GULP1: variants seen among roughly 807,000 people sequenced by gnomAD.
The protein encoded by GULP1 is GULP PTB domain containing engulfment adaptor 1, also known as PTB domain-containing engulfment adapter protein 1.
In GULP1, 19 loss-of-function variants were observed where a neutral mutation model predicts 40.9. That is an observed-to-expected ratio of 0.46 (90% confidence interval 0.32 to 0.68). The LOEUF (loss-of-function observed/expected upper bound fraction) is 0.68. Among genes scored for constraint, GULP1 ranks in the 30% least tolerant of loss-of-function variants. The probability of loss-of-function intolerance (pLI) is 0.03; values close to 1 mark genes in which losing one functional copy is unlikely to be tolerated. For synonymous variants in GULP1, 119 were observed against 117.6 expected (o/e 1.01, Z -0.08); for missense variants, 312 against 362.2 (o/e 0.86, Z 1.12).
At position 188,413,747 on chromosome 2, in the gene GULP1, A is replaced by C. The variant is rs998989347; in HGVS notation, c.-45+29858A>C. On this transcript the variant is annotated intron_variant, in intron 2 of 11. Coordinates refer to ENST00000409830, the MANE Select transcript of GULP1 (RefSeq NM_016315.4). The stretch of plus-strand genomic sequence containing the variant: ...ATTCCTAGTAAATAATGCTTACATA[A>C]GGAATTGAAAGATAGATGTGTTACT... 2.0e-5 allele frequency among the ~76,000 whole-genome samples: 3 copies of C among 152,194 alleles called. No individual in the cohort carries two copies. In the East Asian group the frequency reaches 5.8e-4, roughly 29 times the overall value.
At chr2:188,329,602 C>A (rs2041270569) in intron 1 of GULP1, among the ~76,000 whole-genome samples, 1 of 151,996 alleles carries the variant, frequency 6.6e-6, no homozygotes, top group Admixed American at 6.6e-5. Context: ...CACAGAGTGC[C>A]TTTATAGGGC....
At chr2:188,445,666 G>A (rs919056004) in intron 2 of GULP1, among the ~76,000 whole-genome samples, 5 of 152,140 alleles carry the variant, frequency 3.3e-5, no homozygotes, top group African/African-American at 1.2e-4. Context: ...TATGAGTAGT[G>A]TCCACAACTA....
intron 4 of GULP1, among the ~76,000 whole-genome samples, chr2:188,489,300 G>A (rs1159930562): frequency 2.0e-5 from 3 of 151,980 alleles, no homozygotes; most frequent in African/African-American, 7.2e-5. Context: ...CTTTAGAGCA[G>A]TTTTATACAA....
At chr2:188,537,810 G>A (rs1050579979) in intron 6 of GULP1, among the ~76,000 whole-genome samples, 1 of 151,982 alleles carries the variant, frequency 6.6e-6, no homozygotes, top group Admixed American at 6.6e-5. Flanking sequence ...GAATCCATCT[G>A]CTCTGGGGCT....
intron 1 of GULP1, among the ~76,000 whole-genome samples, chr2:188,324,197 C>T (rs572876477): frequency 1.3e-5 from 2 of 152,060 alleles, no homozygotes; most frequent in South Asian, 4.1e-4. Flanking sequence ...CCTCATGCTA[C>T]TCATGCACAG....
At chr2:188,442,485 A>C (rs1049418792) in intron 2 of GULP1, among the ~76,000 whole-genome samples, 6 of 152,238 alleles carry the variant, frequency 3.9e-5, no homozygotes, top group African/African-American at 1.4e-4. Flanking sequence ...ATAAAAATAA[A>C]ACAAAAACAC....
chr2:188,533,504 T>TA (rs1326400708), intron 6 of GULP1, among the ~76,000 whole-genome samples: 2 of 152,318 alleles, frequency 1.3e-5, no homozygotes, highest in African/African-American at 4.8e-5. Context: ...TATTTAAATG[T>TA]AAGACCTTAA....
intron 1 of GULP1, among the ~76,000 whole-genome samples, chr2:188,365,517 A>G (rs1043473817): frequency 3.3e-5 from 5 of 152,238 alleles, no homozygotes; most frequent in African/African-American, 1.2e-4. Context: ...ATGAGGAAGC[A>G]TAAAATTCTT....
At chr2:188,308,336 A>G (rs568836952) in intron 1 of GULP1, among the ~76,000 whole-genome samples, 4 of 152,242 alleles carry the variant, frequency 2.6e-5, no homozygotes, top group Non-Finnish European at 5.9e-5. Flanking sequence ...GTAAATGTAC[A>G]TGGGAAAGTA....
At chr2:188,507,150 T>A (rs1384699240) in intron 4 of GULP1, among the ~76,000 whole-genome samples, 3 of 151,924 alleles carry the variant, frequency 2.0e-5, no homozygotes, top group African/African-American at 7.2e-5. Context: ...CCAGCTCCAA[T>A]GGGATGTCAT....
chr2:188,520,675 CT>C (rs2065666029), intron 4 of GULP1, among the ~76,000 whole-genome samples: 2 of 152,240 alleles, frequency 1.3e-5, no homozygotes, highest in East Asian at 3.9e-4. Context: ...GTATTTTCAA[CT>C]CATCTTTGTA....
At position 188,594,173 on chromosome 2, in the gene GULP1, C is replaced by G; in HGVS notation, c.*162C>G. On this transcript the variant is annotated 3_prime_UTR_variant, in exon 12 of 12. Coordinates refer to ENST00000409830, the MANE Select transcript of GULP1 (RefSeq NM_016315.4). ...AAATTTCCTCACCTTCACTATTGAT[C>G]TGTAATTTTTATTTTAAAAACAGCT... is the stretch of plus-strand genomic sequence containing the variant. The G allele has an allele frequency of 2.1e-6, 1 of 469,294 alleles. No homozygotes were observed. Among genetic ancestry groups the G allele is most frequent in the Non-Finnish European group, 3.9e-6 (1 of 257,022 alleles). 29.1% of individuals were successfully genotyped at this position (469,294 alleles called of 1,614,324 possible). A position where few individuals can be genotyped will look rare whatever the true frequency, so the allele number is the denominator to read the frequency against.
At chr2:188,328,984 G>T (rs2041162394) in intron 1 of GULP1, among the ~76,000 whole-genome samples, 1 of 152,020 alleles carries the variant, frequency 6.6e-6, no homozygotes. Flanking sequence ...TAAATCACTT[G>T]CAATGCAAAA....
chr2:188,498,198 C>G (rs1216216632), intron 4 of GULP1, among the ~76,000 whole-genome samples: 1 of 151,892 alleles, frequency 6.6e-6, no homozygotes, highest in Non-Finnish European at 1.5e-5. Flanking sequence ...GAACTTGACA[C>G]TAAATTAGAA....
intron 1 of GULP1, among the ~76,000 whole-genome samples, chr2:188,351,586 G>A (rs1038169303): frequency 6.6e-6 from 1 of 152,082 alleles, no homozygotes; most frequent in Non-Finnish European, 1.5e-5. Flanking sequence ...ATGCATTCTA[G>A]AGGTTATAGC....
intron 2 of GULP1, among the ~76,000 whole-genome samples, chr2:188,447,418 TG>T (rs575125217): frequency 7.9e-5 from 12 of 152,222 alleles, no homozygotes; most frequent in African/African-American, 2.9e-4. Context: ...TTCAGATGGT[TG>T]GGGGGCCTTA....
intron 2 of GULP1, among the ~76,000 whole-genome samples, chr2:188,440,782 A>G (rs1245607436): frequency 6.6e-6 from 1 of 152,196 alleles, no homozygotes; most frequent in African/African-American, 2.4e-5. Context: ...ACCATAATAT[A>G]CTTAATTCCT....
intron 2 of GULP1, among the ~76,000 whole-genome samples, chr2:188,432,019 T>C (rs1003645356): frequency 6.6e-6 from 1 of 151,622 alleles, no homozygotes; most frequent in African/African-American, 2.4e-5. Flanking sequence ...TTTGGCATAC[T>C]TGATATACAG....
rs528275872 is a variant in GULP1 at position 188,292,487 on chromosome 2, C to G, written c.-172+321C>G. ...AGCGGTCTCCGGGCTCCAGAAACCTCCTTAGCCTTTTGTGGTAACTTTGGT... is the reference window on the plus strand; with the variant it reads ...AGCGGTCTCCGGGCTCCAGAAACCTGCTTAGCCTTTTGTGGTAACTTTGGT... On this transcript the variant is annotated intron_variant, in intron 1 of 11. Coordinates refer to ENST00000409830, the MANE Select transcript of GULP1 (RefSeq NM_016315.4). This position sits in a 1 kb window ranked among gnomAD's most constrained non-coding sequence, Gnocchi z 4.0. 5.9e-5 allele frequency among the ~76,000 whole-genome samples: 9 copies of G among 152,318 alleles called. No individual in the cohort carries two copies. The South Asian group carries it at 1.9e-3, about 32-fold the overall frequency.
Sources: gnomAD v4.1 joint callset for allele counts (sites outside exome capture counted in the v4.1 genomes callset) on GRCh38, gnomAD v4.1.1 for gene constraint, Gnocchi (gnomAD v3.1) non-coding constraint, MANE v1.5 for transcripts, NCBI Gene and HGNC (gene_info 2026-07-23, HGNC 2026-07-21) for gene names.